DMXL2: variants seen among roughly 807,000 people sequenced by gnomAD.
DMXL2 encodes the protein dmX-like protein 2.
In DMXL2, 103 loss-of-function variants were observed where a neutral mutation model predicts 331.1. The ratio of observed to expected loss-of-function variants is 0.31; its 90% CI spans 0.27 to 0.37. The LOEUF (loss-of-function observed/expected upper bound fraction) is 0.37, where lower values mean the gene tolerates loss of function less well. DMXL2 is among the 10% of genes least tolerant of loss of function. DMXL2 has a pLI of 1.00. For synonymous variants in DMXL2, 1,281 were observed against 1,252.1 expected, an observed-to-expected ratio of 1.02 and a Z score of -0.49; for missense variants, 3,171 against 3,642.9, an observed-to-expected ratio of 0.87 and a Z score of 3.33.
intron 43 of DMXL2, among the ~76,000 whole-genome samples, chr15:51,449,474 T>C (rs2038944193): frequency 6.6e-6 from 1 of 152,242 alleles, no homozygotes; most frequent in Non-Finnish European, 1.5e-5. Flanking sequence ...TTCAGTTAAA[T>C]GTGTTCCTCA....
At chr15:51,559,296 A>G (rs2049801110) in intron 6 of DMXL2, among the ~76,000 whole-genome samples, 2 of 152,372 alleles carry the variant, frequency 1.3e-5, no homozygotes, top group Admixed American at 1.3e-4. Context: ...ACAAAAGACC[A>G]AAAACTATTT....
chr15:51,542,534 CCAA>C (rs1261381342), intron 8 of DMXL2, 27 bp from the exon 9 acceptor site: 1 of 1,573,312 alleles, frequency 6.4e-7, no homozygotes, highest in Admixed American at 1.7e-5. Flanking sequence ...GTTGCTGAGT[CCAA>C]CTCTGGAACC....
Position 51,613,519 on chromosome 15 carries a change from G to A in DMXL2, c.87+8940C>T, listed in dbSNP as rs75992325. On this transcript the variant is annotated intron_variant, in intron 1 of 43. Coordinates refer to ENST00000560891, the MANE Select transcript of DMXL2 (RefSeq NM_001378457.1). ...TATCCTGTATGCACAATGTCTAGGTGCCAAAATATTTTTTGAATAAAGGAT... is the reference window on the plus strand; with the variant it reads ...TATCCTGTATGCACAATGTCTAGGTACCAAAATATTTTTTGAATAAAGGAT... Among the ~76,000 whole-genome samples, 536 of 152,236 alleles carry A rather than the reference G, an allele frequency of 3.5e-3. 8 individuals carry two copies. Among genetic ancestry groups the A allele is most frequent in the African/African-American group, 0.012 (510 of 41,554 alleles).
At chr15:51,478,675 T>TA (rs1017233240) in intron 25 of DMXL2, among the ~76,000 whole-genome samples, 11 of 152,050 alleles carry the variant, frequency 7.2e-5, no homozygotes, top group African/African-American at 2.4e-4. Context: ...TAGTAATATT[T>TA]AAAAAAAAGC....
chr15:51,466,256 T>A lies in DMXL2; in HGVS notation c.7448A>T (p.His2483Leu), dbSNP rs1297037499. The A allele has an allele frequency of 1.1e-5, 18 of 1,567,730 alleles. No individual in the cohort carries two copies. The highest frequency in any genetic ancestry group is 5.8e-5 in the Admixed American group (3 of 52,140). ...AAAGGCATCATCTTCTTCATCACTA[T>A]GAATGCTTTCATCAGAATCATATAT... is the stretch of plus-strand genomic sequence containing the variant. The part of the protein sequence containing the change: ...GVIYDSDESI[H>L]SDEEDDAFFS... Residue 2483 changes from histidine (H) to leucine (L), a missense_variant, in exon 30 of 44, where the codon CAT becomes CTT. By Grantham distance (99) the His-to-Leu change is moderately conservative. This residue lies in a region of DMXL2 where 766 missense variants were observed against 940.5 expected (regional missense o/e 0.81). Transcript: ENST00000560891.
chr15:51,467,546 T>A (rs780487788), intron 29 of DMXL2, among the ~76,000 whole-genome samples: 66 of 151,980 alleles, frequency 4.3e-4, no homozygotes, highest in Non-Finnish European at 7.8e-4. Context: ...TAACAGAAAA[T>A]AAAAATCATT....
At position 51,478,685 on chromosome 15, in the gene DMXL2, C is replaced by A. The variant is rs561910838; in HGVS notation, c.6757-338G>T. On this transcript the variant is annotated intron_variant, in intron 25 of 43. Transcript: ENST00000560891. ...TTAAATAGTAATATTTAAAAAAAAGCAGAAGAAAATAAGAATAGAATTTTC... is the reference window on the plus strand; with the variant it reads ...TTAAATAGTAATATTTAAAAAAAAGAAGAAGAAAATAAGAATAGAATTTTC... Among the ~76,000 whole-genome samples the A allele has an allele frequency of 3.9e-5, 6 of 152,152 alleles. No homozygotes were observed. The East Asian group carries it at 1.2e-3, about 29-fold the overall frequency.
At chr15:51,575,494 T>C (rs2050963679) in intron 2 of DMXL2, among the ~76,000 whole-genome samples, 1 of 152,136 alleles carries the variant, frequency 6.6e-6, no homozygotes, top group Non-Finnish European at 1.5e-5. Flanking sequence ...TGATGTACAT[T>C]ATGTTTGAAA....
chr15:51,608,002 A>G (rs1453195025), intron 1 of DMXL2, among the ~76,000 whole-genome samples: 2 of 152,106 alleles, frequency 1.3e-5, no homozygotes, highest in Non-Finnish European at 2.9e-5. Flanking sequence ...CCTGGCCAAC[A>G]TGGTGAAACC....
intron 1 of DMXL2, among the ~76,000 whole-genome samples, chr15:51,595,462 G>A (rs1595680262): frequency 6.6e-6 from 1 of 152,166 alleles, no homozygotes; most frequent in East Asian, 1.9e-4. Flanking sequence ...TTCATGGGTA[G>A]GAAGAATCAA....
Position 51,499,488 on chromosome 15 carries a change from G to C in DMXL2, c.3736C>G (p.Pro1246Ala), listed in dbSNP as rs956020382. 8 of 1,613,908 alleles carry C rather than the reference G, an allele frequency of 5.0e-6. No homozygotes were observed. In the African/African-American group the frequency reaches 5.3e-5, roughly 11 times the overall value. Residue 1246 changes from proline (P) to alanine (A), a missense_variant, in exon 18 of 44, where the codon CCT becomes GCT. Transcript: ENST00000560891. ...CAAGAGAGAGAAACAGGCAGTGAAGGAGTACCATCAACAGAAGATACCAAG... is the reference window on the plus strand; with the variant it reads ...CAAGAGAGAGAAACAGGCAGTGAAGCAGTACCATCAACAGAAGATACCAAG... ...IDLVSSVDGT[P>A]SLPVSLSWVR...
intron 15 of DMXL2, among the ~76,000 whole-genome samples, chr15:51,512,992 A>C (rs1263958753): frequency 6.6e-6 from 1 of 152,120 alleles, no homozygotes; most frequent in Non-Finnish European, 1.5e-5. Context: ...CTTTAAATTA[A>C]AACTTAGTAC....
intron 39 of DMXL2, 69 bp downstream of exon 39, chr15:51,455,995 CTT>C (rs2039585235): frequency 6.4e-7 from 1 of 1,564,720 alleles, no homozygotes; most frequent in Non-Finnish European, 8.7e-7. Context: ...TTTCGATGCA[CTT>C]TTATCACTTA....
At chr15:51,600,999 T>C (rs923357763) in intron 1 of DMXL2, among the ~76,000 whole-genome samples, 2 of 151,780 alleles carry the variant, frequency 1.3e-5, no homozygotes, top group African/African-American at 4.8e-5. Context: ...TAGAGGAAAA[T>C]AAAACAATTT....
intron 1 of DMXL2, among the ~76,000 whole-genome samples, chr15:51,576,822 A>G (rs2051081216): frequency 6.6e-6 from 1 of 152,210 alleles, no homozygotes; most frequent in Non-Finnish European, 1.5e-5. Context: ...AAGTTGTTTT[A>G]CCAAAGGTAA....
chr15:51,486,312 A>G lies in DMXL2; in HGVS notation c.5243T>C (p.Ile1748Thr), dbSNP rs1390219847. ...ACGGGCAATAACCATGGCTAGCTGA[A>G]TATCTTCCATTTTTTCAAGACATAC... ...IEVCLEKMED[I>T]QLAMVIARLY... The change falls in exon 23 of 44, where the codon ATT (isoleucine) becomes ACT (threonine). Residue 1748 changes from isoleucine to threonine, a missense_variant. Around this residue, in one of 7 missense-constraint regions of DMXL2, gnomAD observed 252 missense variants for 387.4 expected, o/e 0.65. Coordinates refer to ENST00000560891, the MANE Select transcript of DMXL2 (RefSeq NM_001378457.1). The G allele has an allele frequency of 1.2e-5, 19 of 1,595,854 alleles. No individual in the cohort carries two copies. The highest frequency in any genetic ancestry group is 1.3e-5 in the African/African-American group (1 of 74,614).
intron 19 of DMXL2, among the ~76,000 whole-genome samples, 194 bp from the exon 20 acceptor site, chr15:51,491,941 T>C (rs899626224): frequency 4.6e-5 from 7 of 152,232 alleles, no homozygotes; most frequent in East Asian, 1.9e-4. Context: ...ATGTGATACA[T>C]AAAATCCAAA....
intron 33 of DMXL2, chr15:51,463,168 T>C (rs2040274915): frequency 5.3e-6 from 2 of 377,536 alleles, no homozygotes; most frequent in African/African-American, 2.2e-5. Flanking sequence ...CACTTGAATA[T>C]ATGTAATTTA....
rs143718039 is a variant in DMXL2, at chr15:51,514,522, T to C, written c.2564A>G (p.Glu855Gly). ...TGGTTTATATCCTATAATGAAGTCT[T>C]CTTGAAACACATGAAGCAACTGTGT... ...SNTQLLHVFQ[E>G]DFIIGYKPHK... is the part of the protein sequence containing the mutation. Residue 855 changes from glutamate (E) to glycine (G), a missense_variant, in exon 15 of 44, where the codon GAA becomes GGA. By Grantham distance (98) the Glu-to-Gly change is moderately conservative. Around this residue, in one of 7 missense-constraint regions of DMXL2, gnomAD observed 1,674 missense variants for 1,780.2 expected, o/e 0.94. Coordinates refer to ENST00000560891, the MANE Select transcript of DMXL2 (RefSeq NM_001378457.1). The C allele has an allele frequency of 2.5e-6, 4 of 1,595,340 alleles. No individual in the cohort carries two copies. Among genetic ancestry groups the C allele is most frequent in the Middle Eastern group, 1.7e-4 (1 of 6,032 alleles).
Sources: gnomAD v4.1 joint callset for allele counts (sites outside exome capture counted in the v4.1 genomes callset) on GRCh38, gnomAD v4.1.1 for gene constraint, gnomAD v4.1.1 regional missense constraint, MANE v1.5 for transcripts, NCBI Gene and HGNC (gene_info 2026-07-23, HGNC 2026-07-21) for gene names.